The following NEK8 variants were observed in gnomAD, a reference collection of about 807,000 sequenced individuals.
NEK8 encodes the protein NIMA related kinase 8, also known as serine/threonine-protein kinase Nek8.
Under a neutral mutation model 77.2 loss-of-function variants are expected in NEK8, and 51 were observed. That is an observed-to-expected ratio of 0.66 (90% CI 0.53 to 0.83). NEK8 has a LOEUF of 0.83. Ranked by LOEUF, NEK8 falls within the 40% of genes least tolerant of loss-of-function variation. The probability of loss-of-function intolerance (pLI) is 0.00; values close to 1 mark genes in which losing one functional copy is unlikely to be tolerated. For synonymous variants in NEK8, 365 were observed against 363.2 expected, an observed-to-expected ratio of 1.00 and a Z score of -0.06; for missense variants, 787 against 909.2, an observed-to-expected ratio of 0.87 and a Z score of 1.73.
Position 28,740,388 on chromosome 17 carries a change from C to T in NEK8, c.1418-75C>T, listed in dbSNP as rs1446044472. 4 of 1,318,806 alleles carry T rather than the reference C, an allele frequency of 3.0e-6. No homozygotes were observed. Among genetic ancestry groups the T allele is most frequent in the Admixed American group, 3.4e-5 (2 of 59,584 alleles). The allele number at this position is 1,318,806 out of a possible 1,614,324, so 81.7% of individuals were successfully genotyped here. A position where few individuals can be genotyped will look rare whatever the true frequency, so the allele number is the denominator to read the frequency against. On this transcript the variant is annotated intron_variant, in intron 10 of 14. Coordinates refer to ENST00000268766, the MANE Select transcript of NEK8 (RefSeq NM_178170.3). The surrounding 1 kb of genome is among the most constrained non-coding windows in gnomAD (Gnocchi z 4.7). Reference sequence around the variant, plus strand: ...CAGAGAACTCATGCTGTTCCCTCCCCTCAGTGGGCCCTCCTCATTCGGGCA... The same window carrying T: ...CAGAGAACTCATGCTGTTCCCTCCCTTCAGTGGGCCCTCCTCATTCGGGCA...
At chr17:28,733,163 A>C (rs1262536396) in intron 1 of NEK8, among the ~76,000 whole-genome samples, 1 of 151,362 alleles carries the variant, frequency 6.6e-6, no homozygotes, top group Non-Finnish European at 1.5e-5. Context: ...CACAGGCCTT[A>C]GCCACTTGGC....
At position 28,738,848 on chromosome 17, in the gene NEK8, C is replaced by A. The variant is rs541695489; in HGVS notation, c.1299+101C>A. On this transcript the variant is annotated intron_variant, in intron 9 of 14. Coordinates refer to ENST00000268766, the MANE Select transcript of NEK8 (RefSeq NM_178170.3). ...TTGGGGGCAGGGGAGTTCCCAGCAA[C>A]CACAGGTTCCTCTAGCTTCCCAGCT... is the stretch of plus-strand genomic sequence containing the variant. 2.1e-4 allele frequency: 204 copies of A among 980,500 alleles called. No homozygotes were observed. In the African/African-American group the frequency reaches 3.1e-3, roughly 15 times the overall value. The allele number at this position is 980,500 out of a possible 1,614,324, so 60.7% of individuals were successfully genotyped here.
In NEK8 at chr17:28,737,674, G is replaced by A; in HGVS notation, c.828-1G>A. ...TCCTTAGGCCCCCATCTGTCCTGCA[G>A]GGCAGAGAAGTCCGTGGCCCCCAGC... On this transcript the variant is annotated splice_acceptor_variant, in intron 5 of 14. Transcript: ENST00000268766. LOFTEE classifies it high-confidence loss of function. The surrounding 1 kb of genome is among the most constrained non-coding windows in gnomAD (Gnocchi z 4.8). 6.2e-7 allele frequency: 1 copy of A among 1,614,166 alleles called. No individual in the cohort carries two copies. The highest frequency in any genetic ancestry group is 8.5e-7 in the Non-Finnish European group (1 of 1,180,006).
chr17:28,733,989 G>A lies in NEK8; in HGVS notation c.54G>A (p.Val18=), dbSNP rs1466629430. The change falls in exon 2 of 15, where the codon GTG becomes GTA. Residue 18 remains valine (V), a synonymous_variant. Transcript: ENST00000268766. ...CTGTCCTCCGTATCCCTAGGATTGT[G>A]CACCTGTGCCTGCGAAAGGCTGACC... is the stretch of plus-strand genomic sequence containing the variant. The part of the protein sequence containing the change: ...RVVGRGAFGI[V]HLCLRKADQK... The A allele has an allele frequency of 6.2e-6, 10 of 1,614,110 alleles. No homozygotes were observed. The highest frequency in any genetic ancestry group is 8.5e-6 in the Non-Finnish European group (10 of 1,179,966).
chr17:28,728,969 A>C, intron 1 of NEK8, 109 bp downstream of exon 1: 4 of 1,051,594 alleles, frequency 3.8e-6, no homozygotes, highest in Non-Finnish European at 5.7e-6. Flanking sequence ...CGTGAGCGCC[A>C]CTCTGGGAAG....
chr17:28,739,075 C>G lies in NEK8; in HGVS notation c.1300-9C>G, dbSNP rs752570608. ...TGCCCAGTTTCTCCTTGCTTCCTCT[C>G]CTCTCTAGCCCACCATTGTGGAGGC... is the stretch of plus-strand genomic sequence containing the variant. On this transcript the variant is annotated splice_polypyrimidine_tract_variant and intron_variant, in intron 9 of 14. Transcript: ENST00000268766. The G allele has an allele frequency of 1.9e-6, 3 of 1,608,164 alleles. No individual in the cohort carries two copies. Among genetic ancestry groups the G allele is most frequent in the Non-Finnish European group, 2.6e-6 (3 of 1,174,466 alleles).
At chr17:28,730,823 T>C (rs2034299519) in intron 1 of NEK8, among the ~76,000 whole-genome samples, 1 of 152,160 alleles carries the variant, frequency 6.6e-6, no homozygotes. Context: ...CTCAGGAGGC[T>C]GAGGTGGGAG....
At position 28,740,468 on chromosome 17, in the gene NEK8, C is replaced by T; in HGVS notation, c.1423C>T (p.Leu475=). ...TTCTGGGTTTCTTCTTGTAGGCAGA[C>T]TGGGGCTAGGCACCAGGGAGTCCCA... is the stretch of plus-strand genomic sequence containing the variant. ...FAWGRGDSGR[L]GLGTRESHSC... is the part of the protein sequence containing the mutation. The change falls in exon 11 of 15, where the codon CTG becomes TTG. Residue 475 remains leucine, a synonymous_variant. Transcript: ENST00000268766. The surrounding 1 kb of genome is among the most constrained non-coding windows in gnomAD (Gnocchi z 4.7). 6.2e-7 allele frequency: 1 copy of T among 1,614,122 alleles called. No homozygotes were observed. The highest frequency in any genetic ancestry group is 8.5e-7 in the Non-Finnish European group (1 of 1,179,996).
In NEK8 at chr17:28,734,867, C is replaced by T; in HGVS notation, c.349C>T (p.His117Tyr). 6.2e-7 allele frequency: 1 copy of T among 1,613,528 alleles called. No homozygotes were observed. The highest frequency in any genetic ancestry group is 8.5e-7 in the Non-Finnish European group (1 of 1,179,672). The change falls in exon 3 of 15, where the codon CAT becomes TAT. Residue 117 changes from histidine to tyrosine, a missense_variant. Around this residue, in one of 2 missense-constraint regions of NEK8, gnomAD observed 271 missense variants for 365.1 expected, o/e 0.74. Coordinates refer to ENST00000268766, the MANE Select transcript of NEK8 (RefSeq NM_178170.3). ...CTTCGTGCAGATCCTGCTTGCACTGCATCATGTGCACACCCACCTCATCCT... is the reference window on the plus strand; with the variant it reads ...CTTCGTGCAGATCCTGCTTGCACTGTATCATGTGCACACCCACCTCATCCT... ...HFFVQILLAL[H>Y]HVHTHLILHR...
In NEK8 at chr17:28,740,534, G is replaced by C. The variant is rs146326420; in HGVS notation, c.1489G>C (p.Ala497Pro). Residue 497 changes from alanine to proline, a missense_variant, in exon 11 of 15, where the codon GCT becomes CCT. Physicochemically the swap from Ala to Pro is conservative, Grantham distance 27. Coordinates refer to ENST00000268766, the MANE Select transcript of NEK8 (RefSeq NM_178170.3). This position sits in a 1 kb window ranked among gnomAD's most constrained non-coding sequence, Gnocchi z 4.7. ...GGTGCCCATGCCCCCAGGACAGGAA[G>C]CTCAGCGAGTTGTATGTGGTATCGA... is the stretch of plus-strand genomic sequence containing the variant. ...QQVPMPPGQE[A>P]QRVVCGIDSS... 883 of 1,614,058 alleles carry C rather than the reference G, an allele frequency of 5.5e-4. 3 individuals carry two copies. The highest frequency in any genetic ancestry group is 2.7e-4 in the Non-Finnish European group (320 of 1,180,010).
rs1379564744 is a variant in NEK8 at position 28,734,008 on chromosome 17, G to A, written c.73G>A (p.Ala25Thr). The change falls in exon 2 of 15, where the codon GCT becomes ACT. Residue 25 changes from alanine to threonine, a missense_variant. Ala to Thr is a moderately conservative substitution (Grantham distance 58). Around this residue, in one of 2 missense-constraint regions of NEK8, gnomAD observed 271 missense variants for 365.1 expected, o/e 0.74. Transcript: ENST00000268766. ...FGIVHLCLRK[A>T]DQKLVIIKQI... The stretch of plus-strand genomic sequence containing the variant: ...GATTGTGCACCTGTGCCTGCGAAAG[G>A]CTGACCAGAAGCTGGTGATCATCAA... The A allele has an allele frequency of 6.2e-7, 1 of 1,614,182 alleles. No individual in the cohort carries two copies. Among genetic ancestry groups the A allele is most frequent in the Admixed American group, 1.7e-5 (1 of 60,024 alleles).
Position 28,738,689 on chromosome 17 carries a change from C to T in NEK8, c.1241C>T (p.Thr414Ile), listed in dbSNP as rs2034391280. 6.2e-7 allele frequency: 1 copy of T among 1,614,062 alleles called. No individual in the cohort carries two copies. The highest frequency in any genetic ancestry group is 8.5e-7 in the Non-Finnish European group (1 of 1,179,986). The part of the protein sequence containing the change: ...ACLTDRGIIM[T>I]FGSGSNGCLG... ...TCCCCAGACAGAGGCATCATCATGA[C>T]ATTCGGCAGCGGCAGCAATGGGTGC... The change falls in exon 9 of 15, where the codon ACA becomes ATA. Residue 414 changes from threonine to isoleucine, a missense_variant. Coordinates refer to ENST00000268766, the MANE Select transcript of NEK8 (RefSeq NM_178170.3).
chr17:28,730,417 C>T (rs2034295690), intron 1 of NEK8, among the ~76,000 whole-genome samples: 1 of 151,532 alleles, frequency 6.6e-6, no homozygotes, highest in Admixed American at 6.6e-5. Flanking sequence ...GCCTTACAGG[C>T]GTGTGCCACC....
rs897974861 is a variant in NEK8, at chr17:28,740,263, G to A, written c.1418-200G>A. Among the ~76,000 whole-genome samples, 12 of 152,088 alleles carry A rather than the reference G, an allele frequency of 7.9e-5. No homozygotes were observed. Among genetic ancestry groups the A allele is most frequent in the Non-Finnish European group, 5.9e-5 (4 of 68,018 alleles). ...CATACCCTTGTACTCCAGCCTTGGCGACAGAGTGAGACTCAGTCTCGAAAA... is the reference window on the plus strand; with the variant it reads ...CATACCCTTGTACTCCAGCCTTGGCAACAGAGTGAGACTCAGTCTCGAAAA... On this transcript the variant is annotated intron_variant, in intron 10 of 14. Coordinates refer to ENST00000268766, the MANE Select transcript of NEK8 (RefSeq NM_178170.3). The surrounding 1 kb of genome is among the most constrained non-coding windows in gnomAD (Gnocchi z 4.7).
chr17:28,737,982 G>A lies in NEK8; in HGVS notation c.1053G>A (p.Gly351=). ...RTQKAGVTRS[G]RLILWEAPPL... is the part of the protein sequence containing the mutation. ...AGAAAGCCGGCGTCACGCGCTCTGG[G>A]CGTCTCATCCTGTGGGAGGTGAGCA... The change falls in exon 7 of 15, where the codon GGG becomes GGA. Residue 351 remains glycine, a synonymous_variant. Coordinates refer to ENST00000268766, the MANE Select transcript of NEK8 (RefSeq NM_178170.3). This position sits in a 1 kb window ranked among gnomAD's most constrained non-coding sequence, Gnocchi z 4.8. 1.2e-6 allele frequency: 2 copies of A among 1,611,960 alleles called. No individual in the cohort carries two copies. Among genetic ancestry groups the A allele is most frequent in the Non-Finnish European group, 8.5e-7 (1 of 1,178,822 alleles).
chr17:28,729,110 A>G (rs2034280577), intron 1 of NEK8, among the ~76,000 whole-genome samples: 1 of 152,240 alleles, frequency 6.6e-6, no homozygotes, highest in Non-Finnish European at 1.5e-5. Context: ...ACAAATACTG[A>G]GTGCCAGCTA....
rs780404320 is a variant in NEK8, at chr17:28,737,668, C to T, written c.828-7C>T. 1.9e-6 allele frequency: 3 copies of T among 1,614,196 alleles called. No individual in the cohort carries two copies. The South Asian group carries it at 3.3e-5, about 18-fold the overall frequency. ...TCTTTGTCCTTAGGCCCCCATCTGT[C>T]CTGCAGGGCAGAGAAGTCCGTGGCC... is the stretch of plus-strand genomic sequence containing the variant. On this transcript the variant is annotated splice_region_variant and splice_polypyrimidine_tract_variant and intron_variant, in intron 5 of 14. Transcript: ENST00000268766. The surrounding 1 kb of genome is among the most constrained non-coding windows in gnomAD (Gnocchi z 4.8).
rs1237888702 is a variant in NEK8, at chr17:28,740,573, C to T, written c.1528C>T (p.Leu510Phe). The stretch of plus-strand genomic sequence containing the variant: ...ATGTGGTATCGATTCCTCCATGATC[C>T]TCACTGTGCCTGGCCAAGCCCTAGC... ...VVCGIDSSMI[L>F]TVPGQALACG... Residue 510 changes from leucine (L) to phenylalanine (F), a missense_variant, in exon 11 of 15, where the codon CTC becomes TTC. Physicochemically the swap from Leu to Phe is conservative, Grantham distance 22. This residue lies in a region of NEK8 where 516 missense variants were observed against 544.0 expected (regional missense o/e 0.95). Transcript: ENST00000268766. This position sits in a 1 kb window ranked among gnomAD's most constrained non-coding sequence, Gnocchi z 4.7. 1.2e-6 allele frequency: 2 copies of T among 1,614,202 alleles called. No individual in the cohort carries two copies. The highest frequency in any genetic ancestry group is 2.2e-5 in the East Asian group (1 of 44,886).
chr17:28,733,836 C>T (rs2034334009), intron 1 of NEK8, 147 bp from the exon 2 acceptor site: 1 of 718,170 alleles, frequency 1.4e-6, no homozygotes, highest in Non-Finnish European at 2.5e-6. Context: ...TCCCTGTTCC[C>T]AAGTTCAGTG....
Sources: allele counts gnomAD v4.1 joint callset (sites outside exome capture counted in the v4.1 genomes callset), GRCh38; gene constraint gnomAD v4.1.1; regional missense constraint gnomAD v4.1.1; non-coding constraint Gnocchi (gnomAD v3.1); transcripts MANE v1.5; gene names NCBI Gene and HGNC (gene_info 2026-07-23, HGNC 2026-07-21).